PLCB1: variants seen among roughly 807,000 people sequenced by gnomAD.
The protein encoded by PLCB1 is 1-phosphatidylinositol 4,5-bisphosphate phosphodiesterase beta-1.
A neutral mutation model predicts 161.8 loss-of-function variants in PLCB1; 46 were observed. The ratio of observed to expected loss-of-function variants is 0.28; its 90% CI spans 0.22 to 0.36. The LOEUF is 0.36. Ranked by LOEUF, PLCB1 falls within the 10% of genes least tolerant of loss-of-function variation. The pLI is 1.00. For missense variants in PLCB1, 1,016 were observed against 1,472.5 expected, an observed-to-expected ratio of 0.69 and a Z score of 5.07; for synonymous variants, 517 against 503.7, an observed-to-expected ratio of 1.03 and a Z score of -0.35.
At chr20:8,420,343 A>G (rs1245603233) in intron 3 of PLCB1, among the ~76,000 whole-genome samples, 4 of 152,162 alleles carry the variant, frequency 2.6e-5, no homozygotes, top group Non-Finnish European at 4.4e-5. Context: ...TCAGTGAACC[A>G]CTGGGCTTAT....
intron 9 of PLCB1, among the ~76,000 whole-genome samples, chr20:8,673,315 G>A (rs1600241906): frequency 6.6e-6 from 1 of 152,258 alleles, no homozygotes; most frequent in African/African-American, 2.4e-5. Flanking sequence ...GCAATACCTT[G>A]AAGTACAGCC....
At chr20:8,418,368 C>T (rs998596801) in intron 3 of PLCB1, among the ~76,000 whole-genome samples, 1 of 152,118 alleles carries the variant, frequency 6.6e-6, no homozygotes, top group Non-Finnish European at 1.5e-5. Flanking sequence ...ACCTTCAGGC[C>T]ACCTCCACCA....
intron 1 of PLCB1, among the ~76,000 whole-genome samples, chr20:8,135,386 T>A (rs1451423948): frequency 6.6e-6 from 1 of 152,182 alleles, no homozygotes; most frequent in Non-Finnish European, 1.5e-5. Context: ...CCATATGGAA[T>A]GGAAGATGTC....
chr20:8,361,347 G>T (rs967213647), intron 2 of PLCB1, among the ~76,000 whole-genome samples: 5 of 152,016 alleles, frequency 3.3e-5, no homozygotes, highest in African/African-American at 1.2e-4. Context: ...GTGTCAGAAT[G>T]CCCTACCCGT....
At chr20:8,562,696 C>T (rs1600155014) in intron 3 of PLCB1, among the ~76,000 whole-genome samples, 1 of 151,990 alleles carries the variant, frequency 6.6e-6, no homozygotes, top group Non-Finnish European at 1.5e-5. Flanking sequence ...ATAAGCAAAA[C>T]CCCAGTTTAA....
At chr20:8,381,837 C>A (rs770147008) in intron 3 of PLCB1, among the ~76,000 whole-genome samples, 2 of 151,936 alleles carry the variant, frequency 1.3e-5, no homozygotes, top group Non-Finnish European at 2.9e-5. Context: ...TCTCTCTTTT[C>A]TTCTTTATTA....
rs987763897 is a variant in PLCB1 at position 8,436,435 on chromosome 20, G to GA, written c.246+64995dup. On this transcript the variant is annotated intron_variant, in intron 3 of 31. Transcript: ENST00000338037. ...TCTGGACTTCTTAAGTTGTGTTCAA[G>GA]AAAAAAAAAACAAGACAACAAACAC... 6.9e-3 allele frequency among the ~76,000 whole-genome samples: 831 copies of GA among 120,202 alleles called. 13 individuals carry two copies. Among genetic ancestry groups the GA allele is most frequent in the African/African-American group, 0.024 (742 of 30,700 alleles). 78.9% of individuals were successfully genotyped at this position (120,202 alleles called of 152,430 possible).
intron 4 of PLCB1, among the ~76,000 whole-genome samples, chr20:8,644,660 G>T (rs906672032): frequency 7.9e-5 from 12 of 152,010 alleles, no homozygotes; most frequent in Admixed American, 3.3e-4. Context: ...TCTGGGAAGT[G>T]AGGAGCGTCT....
chr20:8,364,181 C>A (rs1257941263), intron 2 of PLCB1, among the ~76,000 whole-genome samples: 1 of 152,130 alleles, frequency 6.6e-6, no homozygotes, highest in Non-Finnish European at 1.5e-5. Flanking sequence ...CGGAAGAATG[C>A]ATGAACTCCA....
intron 11 of PLCB1, among the ~76,000 whole-genome samples, chr20:8,700,653 A>T (rs1041712146): frequency 1.3e-5 from 2 of 152,010 alleles, no homozygotes; most frequent in East Asian, 3.9e-4. Flanking sequence ...GGTGACCAGG[A>T]TGGCTAAAGA....
chr20:8,732,725 CTAA>C (rs1980328413), intron 18 of PLCB1, among the ~76,000 whole-genome samples: 1 of 139,106 alleles, frequency 7.2e-6, no homozygotes, highest in Non-Finnish European at 1.5e-5. Flanking sequence ...TCTAATATAT[CTAA>C]TATATATTAG....
At chr20:8,727,183 A>G (rs1257202450) in intron 16 of PLCB1, 126 bp from the exon 17 acceptor site, 3 of 542,350 alleles carry the variant, frequency 5.5e-6, no homozygotes, top group Non-Finnish European at 9.8e-6. Flanking sequence ...TATTGAAATT[A>G]CATTGAGGAT....
intron 3 of PLCB1, among the ~76,000 whole-genome samples, chr20:8,406,329 G>T (rs966274819): frequency 6.6e-5 from 10 of 152,140 alleles, no homozygotes; most frequent in Non-Finnish European, 1.0e-4. Flanking sequence ...ACTTACTAGT[G>T]TCAGTGTACA....
chr20:8,641,843 C>T (rs993132547), intron 4 of PLCB1, among the ~76,000 whole-genome samples: 4 of 151,998 alleles, frequency 2.6e-5, no homozygotes, highest in African/African-American at 9.7e-5. Context: ...TCAAGAAAGC[C>T]CTTTTGCATT....
chr20:8,834,697 C>A (rs1302267093), intron 31 of PLCB1, among the ~76,000 whole-genome samples: 1 of 151,764 alleles, frequency 6.6e-6, no homozygotes, highest in Admixed American at 6.6e-5. Context: ...TGCCTGTCAT[C>A]CCAGCTACTC....
intron 3 of PLCB1, among the ~76,000 whole-genome samples, chr20:8,562,331 C>G (rs1003728644): frequency 6.6e-6 from 1 of 152,058 alleles, no homozygotes; most frequent in Non-Finnish European, 1.5e-5. Context: ...TGAAAAGCTG[C>G]TCAGCGGTCC....
chr20:8,458,700 G>A (rs1420125203), intron 3 of PLCB1, among the ~76,000 whole-genome samples: 12 of 152,032 alleles, frequency 7.9e-5, no homozygotes, highest in Admixed American at 7.9e-4. Context: ...TACCTGTCTG[G>A]GATGAAAGAC....
At chr20:8,472,733 G>A (rs1002269718) in intron 3 of PLCB1, among the ~76,000 whole-genome samples, 1 of 152,090 alleles carries the variant, frequency 6.6e-6, no homozygotes, top group Non-Finnish European at 1.5e-5. Flanking sequence ...CCCAAGTATG[G>A]TGAAGAATTG....
chr20:8,759,439 A>G (rs555824773), intron 24 of PLCB1, among the ~76,000 whole-genome samples: 4 of 152,146 alleles, frequency 2.6e-5, no homozygotes, highest in Non-Finnish European at 4.4e-5. Context: ...ACATTCACCA[A>G]TGGATCTTTC....
Sources: gnomAD v4.1 joint callset for allele counts (sites outside exome capture counted in the v4.1 genomes callset) on GRCh38, gnomAD v4.1.1 for gene constraint, MANE v1.5 for transcripts, NCBI Gene and HGNC (gene_info 2026-07-23, HGNC 2026-07-21) for gene names.